CLEC17A: variants seen among roughly 807,000 people sequenced by gnomAD.
CLEC17A encodes C-type lectin domain containing 17A.
A neutral mutation model predicts 61.3 loss-of-function variants in CLEC17A; 37 were observed. That is an observed-to-expected ratio of 0.60 (90% CI 0.46 to 0.79). CLEC17A has a LOEUF of 0.79. Among genes scored for constraint, CLEC17A ranks in the 30% least tolerant of loss-of-function variants. The pLI is 0.00. For synonymous variants in CLEC17A, 168 were observed against 164.9 expected, an observed-to-expected ratio of 1.02 and a Z score of -0.14; for missense variants, 418 against 464.7, an observed-to-expected ratio of 0.90 and a Z score of 0.92.
Position 14,583,373 on chromosome 19 carries a change from G to A in CLEC17A, c.60G>A (p.Glu20=). Reference sequence around the variant, plus strand: ...CCCTGGAAGGGACCATGGAGGAGGAGGAGGAGGATGATGACTATGAGAACT... The same window carrying A: ...CCCTGGAAGGGACCATGGAGGAGGAAGAGGAGGATGATGACTATGAGAACT... The part of the protein sequence containing the change: ...YPDPPGTMEE[E]EEDDDYENST... The change falls in exon 2 of 14, where the codon GAG becomes GAA. Residue 20 remains glutamate (E), a synonymous_variant. Coordinates refer to ENST00000417570, the MANE Select transcript of CLEC17A (RefSeq NM_001204118.2). 1 of 1,611,862 alleles carries A rather than the reference G, an allele frequency of 6.2e-7. No individual in the cohort carries two copies. Among genetic ancestry groups the A allele is most frequent in the South Asian group, 1.1e-5 (1 of 90,838 alleles).
intron 12 of CLEC17A, among the ~76,000 whole-genome samples, chr19:14,606,328 T>A (rs2074867045): frequency 6.8e-6 from 1 of 148,042 alleles, no homozygotes. Flanking sequence ...TGAGCCATGA[T>A]CACACCACTG....
chr19:14,595,732 T>G (rs1443286692), intron 8 of CLEC17A, among the ~76,000 whole-genome samples: 1 of 151,448 alleles, frequency 6.6e-6, no homozygotes, highest in Non-Finnish European at 1.5e-5. Context: ...ATGGTGGTGA[T>G]GGTGGAGATA....
chr19:14,597,745 G>T (rs377529669), intron 10 of CLEC17A, among the ~76,000 whole-genome samples: 1 of 152,004 alleles, frequency 6.6e-6, no homozygotes, highest in Non-Finnish European at 1.5e-5. Flanking sequence ...GGACATAGGC[G>T]CATGCCATCA....
intron 3 of CLEC17A, among the ~76,000 whole-genome samples, chr19:14,589,368 GAC>G (rs2074361977): frequency 7.6e-6 from 1 of 130,972 alleles, no homozygotes; most frequent in South Asian, 2.3e-4. Context: ...CCCTCAAAGA[GAC>G]ACACAGAGAA....
At position 14,600,194 on chromosome 19, in the gene CLEC17A, C is replaced by A. The variant is rs1403941550; in HGVS notation, c.894+12C>A. 1 of 1,613,260 alleles carries A rather than the reference C, an allele frequency of 6.2e-7. No individual in the cohort carries two copies. The highest frequency in any genetic ancestry group is 1.3e-5 in the African/African-American group (1 of 74,924). ...GCTTTGCTGAGCACGTGAGTTCTTC[C>A]CACTGAACCTTTGAGAACCTTCAGG... On this transcript the variant is annotated intron_variant, in intron 12 of 13. Transcript: ENST00000417570.
chr19:14,583,712 G>A (rs574002587), intron 2 of CLEC17A, among the ~76,000 whole-genome samples: 21 of 152,204 alleles, frequency 1.4e-4, no homozygotes, highest in South Asian at 2.1e-4. Context: ...CTTTGGGGTG[G>A]GGCTTGAGGG....
intron 13 of CLEC17A, among the ~76,000 whole-genome samples, chr19:14,608,927 G>A (rs1257412688): frequency 6.6e-6 from 1 of 151,668 alleles, no homozygotes; most frequent in Non-Finnish European, 1.5e-5. Flanking sequence ...AGTCTCCCAA[G>A]TAGCTGGGAT....
chr19:14,602,396 T>C (rs1347361036), intron 12 of CLEC17A, among the ~76,000 whole-genome samples: 1 of 152,082 alleles, frequency 6.6e-6, no homozygotes, highest in Non-Finnish European at 1.5e-5. Context: ...CTCAAGTGAT[T>C]ATCCCACCTC....
chr19:14,607,865 T>A (rs571411022), intron 13 of CLEC17A, among the ~76,000 whole-genome samples: 3 of 151,620 alleles, frequency 2.0e-5, no homozygotes, highest in Admixed American at 2.0e-4. Context: ...GGTGAGCCAC[T>A]GCGCCCAACC....
At position 14,610,348 on chromosome 19, in the gene CLEC17A, G is replaced by A; in HGVS notation, c.*152G>A. 9.4e-7 allele frequency: 1 copy of A among 1,063,220 alleles called. No individual in the cohort carries two copies. Among genetic ancestry groups the A allele is most frequent in the South Asian group, 1.6e-5 (1 of 63,014 alleles). 65.9% of individuals were successfully genotyped at this position (1,063,220 alleles called of 1,614,324 possible). The stretch of plus-strand genomic sequence containing the variant: ...CCCTGGATGCAGCAAGTTCCCAGGG[G>A]TGCAAGTCAGGCTGTTTCTAGAGTG... On this transcript the variant is annotated 3_prime_UTR_variant, in exon 14 of 14. Coordinates refer to ENST00000417570, the MANE Select transcript of CLEC17A (RefSeq NM_001204118.2).
At position 14,594,646 on chromosome 19, in the gene CLEC17A, A is replaced by G; in HGVS notation, c.325A>G (p.Lys109Glu). Reference sequence around the variant, plus strand: ...TCCCTCCTCAGCAAAGGAAACAGAGAAACCCCCACTTCCTTGCAAGCCCCG... The same window carrying G: ...TCCCTCCTCAGCAAAGGAAACAGAGGAACCCCCACTTCCTTGCAAGCCCCG... Reference protein sequence around the residue: ...RPPRAAKETEKPPLPCKPRNM... With the variant: ...RPPRAAKETEEPPLPCKPRNM... Residue 109 changes from lysine (K) to glutamate (E), a missense_variant, in exon 6 of 14, where the codon AAA becomes GAA. Transcript: ENST00000417570. The G allele has an allele frequency of 6.2e-7, 1 of 1,613,888 alleles. No individual in the cohort carries two copies. The highest frequency in any genetic ancestry group is 8.5e-7 in the Non-Finnish European group (1 of 1,179,864).
intron 13 of CLEC17A, among the ~76,000 whole-genome samples, chr19:14,607,541 TTTTATTTTATTATTTA>T (rs1240982971): frequency 3.4e-5 from 5 of 145,924 alleles, no homozygotes; most frequent in African/African-American, 1.3e-4. Flanking sequence ...ACTTGTTTTA[TTTTATTTTATTATTTA>T]TTTATTTATT....
chr19:14,586,278 C>T (rs1272000168), intron 2 of CLEC17A, among the ~76,000 whole-genome samples: 1 of 152,090 alleles, frequency 6.6e-6, no homozygotes, highest in Non-Finnish European at 1.5e-5. Flanking sequence ...GCATGTGCCA[C>T]TGTGCCCGGC....
intron 3 of CLEC17A, among the ~76,000 whole-genome samples, chr19:14,588,114 G>C (rs146025991): frequency 0.013 from 1,917 of 152,134 alleles, 23 homozygotes; most frequent in Middle Eastern, 0.044. Context: ...TCTACCCAAA[G>C]CCCAGGTTTT....
chr19:14,595,286 A>G lies in CLEC17A; in HGVS notation c.416A>G (p.Glu139Gly). The change falls in exon 8 of 14, where the codon GAG (glutamate) becomes GGG (glycine). Residue 139 changes from glutamate to glycine, a missense_variant. Glu to Gly is a moderately conservative substitution (Grantham distance 98). Transcript: ENST00000417570. ...CCCTTTCTCCCAGCTGTGAATCTTG[A>G]GCCTTCTCCATTGCAGCCATCCCTG... ...CPPPQLAVNL[E>G]PSPLQPSLAA... is the part of the protein sequence containing the mutation. 6.2e-7 allele frequency: 1 copy of G among 1,613,912 alleles called. No individual in the cohort carries two copies. The highest frequency in any genetic ancestry group is 8.5e-7 in the Non-Finnish European group (1 of 1,179,838).
At chr19:14,602,312 C>T (rs2074739577) in intron 12 of CLEC17A, among the ~76,000 whole-genome samples, 1 of 150,274 alleles carries the variant, frequency 6.7e-6, no homozygotes, top group Non-Finnish European at 1.5e-5. Flanking sequence ...TTTTTGGAGA[C>T]AGGGTCTCAC....
At chr19:14,605,102 AT>A (rs74181898) in intron 12 of CLEC17A, among the ~76,000 whole-genome samples, 38 of 146,530 alleles carry the variant, frequency 2.6e-4, no homozygotes, top group Admixed American at 3.4e-4. Context: ...ACCTCCCCAC[AT>A]TTTTTTTTTT....
At chr19:14,591,898 A>ATATGTGTGTGTG (rs1224657652) in intron 3 of CLEC17A, among the ~76,000 whole-genome samples, 1 of 138,948 alleles carries the variant, frequency 7.2e-6, no homozygotes, top group African/African-American at 2.8e-5. Context: ...CCGGAGAAAA[A>ATATGTGTGTGTG]TGTGTGTGTG....
At chr19:14,587,762 C>A in intron 3 of CLEC17A, 71 bp downstream of exon 3, 1 of 1,594,440 alleles carries the variant, frequency 6.3e-7, no homozygotes, top group South Asian at 1.1e-5. Context: ...ATTGGTTGGG[C>A]ATTGTAGACA....
Sources: allele counts gnomAD v4.1 joint callset (sites outside exome capture counted in the v4.1 genomes callset), GRCh38; gene constraint gnomAD v4.1.1; transcripts MANE v1.5; gene names NCBI Gene and HGNC (gene_info 2026-07-23, HGNC 2026-07-21).